Variants in RIMS2 observed in about 807,000 individuals in gnomAD.
RIMS2 encodes regulating synaptic membrane exocytosis 2, also known as regulating synaptic membrane exocytosis protein 2.
A neutral mutation model predicts 174.4 loss-of-function variants in RIMS2; 59 were observed. The observed-to-expected ratio is 0.34, with a 90% confidence interval of 0.27 to 0.42. The LOEUF is 0.42. RIMS2 is among the 10% of genes least tolerant of loss of function. RIMS2 has a pLI of 1.00. For synonymous variants in RIMS2, 606 were observed against 572.5 expected (o/e 1.06, Z -0.84); for missense variants, 1,620 against 1,666.3 (o/e 0.97, Z 0.48).
chr8:103,698,233 T>C (rs1028028774), intron 2 of RIMS2, among the ~76,000 whole-genome samples: 3 of 152,202 alleles, frequency 2.0e-5, no homozygotes, highest in Non-Finnish European at 4.4e-5. Context: ...TGATTATGAT[T>C]TTTTTTCTTG....
chr8:103,613,134 C>T (rs1405918180), intron 1 of RIMS2, among the ~76,000 whole-genome samples: 1 of 152,170 alleles, frequency 6.6e-6, no homozygotes, highest in East Asian at 1.9e-4. Flanking sequence ...CAGGGTGGTG[C>T]ATTTTCCCAG....
At chr8:104,051,808 A>C (rs1248553544) in intron 19 of RIMS2, among the ~76,000 whole-genome samples, 1 of 152,218 alleles carries the variant, frequency 6.6e-6, no homozygotes, top group Non-Finnish European at 1.5e-5. Context: ...TTGAGAAAAA[A>C]ATAAGTCCTA....
intron 19 of RIMS2, among the ~76,000 whole-genome samples, chr8:104,192,868 CA>C (rs2099004663): frequency 2.0e-5 from 3 of 152,106 alleles, no homozygotes; most frequent in African/African-American, 4.8e-5. Flanking sequence ...ACATGGTACC[CA>C]CTACCACGTG....
At chr8:104,137,227 A>G (rs969348942) in intron 19 of RIMS2, among the ~76,000 whole-genome samples, 1 of 152,198 alleles carries the variant, frequency 6.6e-6, no homozygotes, top group Admixed American at 6.5e-5. Flanking sequence ...AATAAATCTA[A>G]TAAGTTTGTT....
intron 17 of RIMS2, among the ~76,000 whole-genome samples, chr8:104,006,302 C>A (rs2154552841): frequency 6.6e-6 from 1 of 152,248 alleles, no homozygotes; most frequent in South Asian, 2.1e-4. Flanking sequence ...GTAATCCCAG[C>A]ACTTTGGGAG....
intron 16 of RIMS2, among the ~76,000 whole-genome samples, chr8:103,985,326 T>C (rs2094261047): frequency 6.6e-6 from 1 of 151,570 alleles, no homozygotes; most frequent in Non-Finnish European, 1.5e-5. Context: ...ATACAAAAAT[T>C]AGCCGAGCAT....
chr8:104,002,368 C>A (rs2095423392), intron 17 of RIMS2, among the ~76,000 whole-genome samples: 1 of 152,066 alleles, frequency 6.6e-6, no homozygotes, highest in African/African-American at 2.4e-5. Flanking sequence ...CATTGTTCTT[C>A]TTTTACCTAT....
rs2079897886 is a variant in RIMS2, at chr8:103,931,399, G to A, written c.2375+6G>A. On this transcript the variant is annotated splice_donor_region_variant and intron_variant, in intron 12 of 23. Transcript: ENST00000504942. ...TACTTTCTTCCAGACAGAAGGTAAG[G>A]ATATAAAACAAAATAAATGTTCTGG... is the stretch of plus-strand genomic sequence containing the variant. 7.0e-6 allele frequency: 11 copies of A among 1,561,118 alleles called. No individual in the cohort carries two copies. Among genetic ancestry groups the A allele is most frequent in the Non-Finnish European group, 9.5e-6 (11 of 1,155,522 alleles).
intron 19 of RIMS2, among the ~76,000 whole-genome samples, chr8:104,048,796 C>G (rs572153137): frequency 6.6e-6 from 1 of 151,652 alleles, no homozygotes; most frequent in East Asian, 1.9e-4. Flanking sequence ...AAAGTTTCAT[C>G]CATAGTAAAT....
At position 104,114,232 on chromosome 8, in the gene RIMS2, A is replaced by G. The variant is rs16870953; in HGVS notation, c.3334+99617A>G. Among the ~76,000 whole-genome samples the G allele has an allele frequency of 1.0e-3, 159 of 152,108 alleles. 1 individual carries two copies. In the East Asian group the frequency reaches 0.021, roughly 20 times the overall value. On this transcript the variant is annotated intron_variant, in intron 19 of 23. Transcript: ENST00000504942. ...AAAAACAACACCTAAGAGAAATTCT[A>G]TTTTGGCATTTTAAATAATATTCAT...
chr8:103,756,417 A>G (rs1269904249), intron 2 of RIMS2, among the ~76,000 whole-genome samples: 1 of 124,530 alleles, frequency 8.0e-6, no homozygotes, highest in Admixed American at 8.2e-5. Context: ...GGACTCTTGT[A>G]TATTATTTTC....
At chr8:104,121,504 C>T (rs943179819) in intron 19 of RIMS2, among the ~76,000 whole-genome samples, 1 of 152,012 alleles carries the variant, frequency 6.6e-6, no homozygotes, top group Non-Finnish European at 1.5e-5. Context: ...AATTTGGTTT[C>T]AGTAAGGTTC....
intron 3 of RIMS2, among the ~76,000 whole-genome samples, chr8:103,875,237 A>G (rs1167492292): frequency 1.1e-4 from 16 of 151,822 alleles, no homozygotes; most frequent in Non-Finnish European, 1.5e-5. Flanking sequence ...TATTGTACCC[A>G]ATAGGTGATT....
intron 3 of RIMS2, among the ~76,000 whole-genome samples, chr8:103,863,862 T>A (rs564411208): frequency 6.6e-6 from 1 of 151,618 alleles, no homozygotes; most frequent in Admixed American, 6.6e-5. Flanking sequence ...GTGTATCAAT[T>A]TTTTTCATAT....
intron 3 of RIMS2, among the ~76,000 whole-genome samples, chr8:103,804,918 T>G (rs2098640118): frequency 6.6e-6 from 1 of 152,038 alleles, no homozygotes; most frequent in African/African-American, 2.4e-5. Flanking sequence ...TACCTCAGCC[T>G]CCTAAGTAGC....
At chr8:103,706,418 T>C (rs1306571842) in intron 2 of RIMS2, among the ~76,000 whole-genome samples, 1 of 152,204 alleles carries the variant, frequency 6.6e-6, no homozygotes, top group African/African-American at 2.4e-5. Flanking sequence ...AGGATTTTTT[T>C]GGATGATTGT....
chr8:104,095,383 G>C (rs556754967), intron 19 of RIMS2, among the ~76,000 whole-genome samples: 83 of 152,236 alleles, frequency 5.5e-4, no homozygotes, highest in Middle Eastern at 3.4e-3. Flanking sequence ...GGGTTTATTA[G>C]AAGGCAAGTG....
intron 10 of RIMS2, chr8:103,927,733 A>G (rs979893341): frequency 7.0e-6 from 5 of 714,788 alleles, no homozygotes; most frequent in Non-Finnish European, 1.2e-5. Flanking sequence ...GAAAAATTGT[A>G]TTTAAGGGAT....
intron 16 of RIMS2, among the ~76,000 whole-genome samples, chr8:103,979,958 G>A (rs1052597402): frequency 6.6e-6 from 1 of 152,128 alleles, no homozygotes; most frequent in East Asian, 1.9e-4. Context: ...AGCAAGCTAC[G>A]CCACAGTGGG....
Sources: allele counts gnomAD v4.1 joint callset (sites outside exome capture counted in the v4.1 genomes callset), GRCh38; gene constraint gnomAD v4.1.1; transcripts MANE v1.5; gene names NCBI Gene and HGNC (gene_info 2026-07-23, HGNC 2026-07-21).